The following PIWIL3 variants were observed in gnomAD, a reference collection of about 807,000 sequenced individuals.
PIWIL3 encodes the protein piwi like RNA-mediated gene silencing 3.
Under a neutral mutation model 109.7 loss-of-function variants are expected in PIWIL3, and 101 were observed. The ratio of observed to expected loss-of-function variants is 0.92; its 90% confidence interval spans 0.78 to 1.09. The LOEUF (loss-of-function observed/expected upper bound fraction) is 1.09, where lower values mean the gene tolerates loss of function less well. Among genes scored for constraint, PIWIL3 ranks in the 50% least tolerant of loss-of-function variants. PIWIL3 has a pLI of 0.00. For synonymous variants in PIWIL3, 373 were observed against 376.4 expected (o/e 0.99, Z 0.10); for missense variants, 1,031 against 1,072.6 (o/e 0.96, Z 0.54).
chr22:24,749,123 T>A lies in PIWIL3; in HGVS notation c.1335-102A>T, dbSNP rs1446692513. The A allele has an allele frequency of 5.1e-6, 5 of 986,676 alleles. 1 individual carries two copies. In the East Asian group the frequency reaches 1.3e-4, roughly 25 times the overall value. The allele number at this position is 986,676 out of a possible 1,614,324, so 61.1% of individuals were successfully genotyped here. ...TTCTATTCCAAGGTTCACCATCACT[T>A]GTCCGCAGCATTGAGATGCGGCAGT... On this transcript the variant is annotated intron_variant, in intron 11 of 20. Coordinates refer to ENST00000616349, the MANE Select transcript of PIWIL3 (RefSeq NM_001255975.1).
rs1924702250 is a variant in PIWIL3 at position 24,751,387 on chromosome 22, C to T, written c.1089G>A (p.Gln363=). The stretch of plus-strand genomic sequence containing the variant: ...TATTTAAAGAAATACAGTTTCATAC[C>T]TGCCTGTAGTAGTCTATATAGGTGA... The part of the protein sequence containing the change: ...SKITYIDYYR[Q]QHKEIVTVKK... Residue 363 remains glutamine, a splice_region_variant and synonymous_variant, in exon 9 of 21, where the codon CAG becomes CAA. Coordinates refer to ENST00000616349, the MANE Select transcript of PIWIL3 (RefSeq NM_001255975.1). The T allele has an allele frequency of 1.9e-6, 3 of 1,597,078 alleles. No individual in the cohort carries two copies. In the South Asian group the frequency reaches 3.4e-5, roughly 18 times the overall value.
chr22:24,744,173 C>CCAAT, intron 12 of PIWIL3, among the ~76,000 whole-genome samples: 1 of 22,512 alleles, frequency 4.4e-5, no homozygotes, highest in Non-Finnish European at 6.9e-5. Flanking sequence ...AAAGAGTGAC[C>CCAAT]GAATTAAAAA....
chr22:24,738,710 C>T (rs1923809812), intron 12 of PIWIL3, among the ~76,000 whole-genome samples: 1 of 152,188 alleles, frequency 6.6e-6, no homozygotes, highest in African/African-American at 2.4e-5. Flanking sequence ...GATCACAATA[C>T]CCAAGTACTT....
intron 14 of PIWIL3, among the ~76,000 whole-genome samples, chr22:24,733,096 C>G (rs755267474): frequency 6.6e-6 from 1 of 152,156 alleles, no homozygotes; most frequent in Non-Finnish European, 1.5e-5. Flanking sequence ...AGAATGCGTA[C>G]GGCTCACATA....
intron 1 of PIWIL3, among the ~76,000 whole-genome samples, chr22:24,771,809 C>T (rs1344372277): frequency 2.0e-5 from 3 of 151,918 alleles, no homozygotes; most frequent in African/African-American, 7.3e-5. Context: ...TTTTGGCTCA[C>T]TGCAACCTCC....
intron 12 of PIWIL3, among the ~76,000 whole-genome samples, chr22:24,742,682 T>C (rs1924082008): frequency 6.6e-6 from 1 of 152,196 alleles, no homozygotes; most frequent in Admixed American, 6.5e-5. Context: ...GATGCTGGTA[T>C]AATTGGCAAG....
intron 9 of PIWIL3, 121 bp downstream of exon 9, chr22:24,751,266 A>C (rs1030993346): frequency 4.9e-6 from 5 of 1,018,720 alleles, no homozygotes; most frequent in Admixed American, 5.1e-5. Context: ...TCAAGCTATA[A>C]TCCCCTAAAA....
At position 24,727,940 on chromosome 22, in the gene PIWIL3, GCTTA is replaced by G. The variant is rs775918892; in HGVS notation, c.2009+6_2009+9del. 4 of 1,597,484 alleles carry G rather than the reference GCTTA, an allele frequency of 2.5e-6. No individual in the cohort carries two copies. The highest frequency in any genetic ancestry group is 1.8e-4 in the Middle Eastern group (1 of 5,678). On this transcript the variant is annotated splice_donor_region_variant and intron_variant, in intron 16 of 20. Coordinates refer to ENST00000616349, the MANE Select transcript of PIWIL3 (RefSeq NM_001255975.1). ...CTACTAACTAAACATGTCTACCAGA[GCTTA>G]CTTACTTTGTTAATTCAGCATTGGT...
At chr22:24,751,849 C>T (rs5751971) in intron 8 of PIWIL3, among the ~76,000 whole-genome samples, 9,080 of 152,272 alleles carry the variant, frequency 0.06, 710 homozygotes, top group East Asian at 0.42. Flanking sequence ...TGCTCTTTCC[C>T]GACTGGCTTC....
At position 24,734,157 on chromosome 22, in the gene PIWIL3, C is replaced by T; in HGVS notation, c.1635-1G>A. On this transcript the variant is annotated splice_acceptor_variant, in intron 13 of 20. Coordinates refer to ENST00000616349, the MANE Select transcript of PIWIL3 (RefSeq NM_001255975.1). LOFTEE classifies it high-confidence loss of function. ...GTTAGCATCACCATCTACTTCAATC[C>T]TAAAAAATAAATATAGCATCCACAT... The T allele has an allele frequency of 1.2e-6, 2 of 1,609,934 alleles. No individual in the cohort carries two copies. The highest frequency in any genetic ancestry group is 1.7e-6 in the Non-Finnish European group (2 of 1,178,676).
At chr22:24,757,637 C>CACACACACAT (rs371066474) in intron 4 of PIWIL3, among the ~76,000 whole-genome samples, 25,432 of 123,724 alleles carry the variant, frequency 0.21, 3,683 homozygotes, top group Admixed American at 0.33. Context: ...CACACACACA[C>CACACACACAT]ATATATAAAA....
intron 16 of PIWIL3, 55 bp from the exon 17 acceptor site, chr22:24,725,570 A>T: frequency 6.3e-7 from 1 of 1,582,104 alleles, no homozygotes; most frequent in Non-Finnish European, 8.7e-7. Context: ...ATCTCATTTG[A>T]GTCTGCATTA....
chr22:24,721,326 C>G (rs550761064), intron 19 of PIWIL3, among the ~76,000 whole-genome samples: 53 of 152,192 alleles, frequency 3.5e-4, no homozygotes, highest in Non-Finnish European at 6.3e-4. Flanking sequence ...TTTAAATTTT[C>G]TTATGCCTGC....
chr22:24,764,585 T>C (rs955439580), intron 1 of PIWIL3, among the ~76,000 whole-genome samples: 1 of 151,904 alleles, frequency 6.6e-6, no homozygotes, highest in African/African-American at 2.4e-5. Context: ...TGCTTTTTCA[T>C]CTATTTATTC....
intron 19 of PIWIL3, among the ~76,000 whole-genome samples, chr22:24,721,451 A>G (rs1031865835): frequency 2.0e-5 from 3 of 151,964 alleles, no homozygotes; most frequent in African/African-American, 7.3e-5. Flanking sequence ...ATATTGCTCC[A>G]CCCCACCACA....
intron 12 of PIWIL3, among the ~76,000 whole-genome samples, chr22:24,744,178 TAAAAAAAA>T (rs1188611412): frequency 5.8e-5 from 2 of 34,304 alleles, no homozygotes; most frequent in Non-Finnish European, 1.1e-4. Flanking sequence ...GTGACCGAAT[TAAAAAAAA>T]AAAAAAAAAA....
chr22:24,735,588 A>T, intron 13 of PIWIL3, 120 bp downstream of exon 13: 1 of 959,688 alleles, frequency 1.0e-6, no homozygotes, highest in Non-Finnish European at 1.5e-6. Flanking sequence ...ACTAGAGATT[A>T]GACTTTACAA....
intron 12 of PIWIL3, among the ~76,000 whole-genome samples, chr22:24,739,099 A>G (rs1923830166): frequency 6.6e-6 from 1 of 152,106 alleles, no homozygotes; most frequent in Non-Finnish European, 1.5e-5. Flanking sequence ...AGAGTCTCTT[A>G]AGAGCAGAAT....
At position 24,728,257 on chromosome 22, in the gene PIWIL3, G is replaced by A. The variant is rs1200555976; in HGVS notation, c.1825C>T (p.Gln609Ter). Reference sequence around the variant, plus strand: ...ATCTTGGTGACGATGGTCCTTGCCTGGACTTTTTCTAAGGTCTTTTTCACC... The same window carrying A: ...ATCTTGGTGACGATGGTCCTTGCCTAGACTTTTTCTAAGGTCTTTTTCACC... ...CVVKKTLEKV[Q>*]ARTIVTKIAQ... The change falls in exon 15 of 21, where the codon CAG (glutamine) becomes TAG (stop). Residue 609 changes from glutamine (Q) to a stop codon, truncating the protein, a stop_gained. Coordinates refer to ENST00000616349, the MANE Select transcript of PIWIL3 (RefSeq NM_001255975.1). LOFTEE classifies it high-confidence loss of function. 9 of 1,614,046 alleles carry A rather than the reference G, an allele frequency of 5.6e-6. No individual in the cohort carries two copies. Among genetic ancestry groups the A allele is most frequent in the Middle Eastern group, 3.3e-4 (2 of 6,084 alleles).
Sources: allele counts gnomAD v4.1 joint callset (sites outside exome capture counted in the v4.1 genomes callset), GRCh38; gene constraint gnomAD v4.1.1; transcripts MANE v1.5; gene names NCBI Gene and HGNC (gene_info 2026-07-23, HGNC 2026-07-21).